Variants in CGAS observed in about 807,000 individuals in gnomAD.
CGAS encodes 2'3'-cGAMP synthase.
In CGAS, 31 loss-of-function variants were observed where a neutral mutation model predicts 34.0. The ratio of observed to expected loss-of-function variants is 0.91; its 90% CI spans 0.69 to 1.23. The LOEUF is 1.23. CGAS is among the 50% of genes most tolerant of loss of function. CGAS has a pLI of 0.00. For missense variants in CGAS, 597 were observed against 657.6 expected, an observed-to-expected ratio of 0.91 and a Z score of 1.01; for synonymous variants, 266 against 260.0, an observed-to-expected ratio of 1.02 and a Z score of -0.22.
At chr6:73,451,435 A>T in intron 1 of CGAS, 90 bp downstream of exon 1, 1 of 1,365,206 alleles carries the variant, frequency 7.3e-7, no homozygotes, top group Non-Finnish European at 9.9e-7. Context: ...TTCCGAAGGG[A>T]AGTGAGGGGC....
Position 73,451,592 on chromosome 6 carries a change from A to C in CGAS, c.590T>G (p.Leu197Arg). Residue 197 changes from leucine (L) to arginine (R), a missense_variant, in exon 1 of 5, where the codon CTG (leucine) becomes CGG (arginine). Physicochemically the swap from Leu to Arg is moderately radical, Grantham distance 102. Transcript: ENST00000370315. ...GCCTCTGAACGCGGAGTCGCACTTCAGTCTGAGCAGCAGGTGGTCCACAAC... is the reference window on the plus strand; with the variant it reads ...GCCTCTGAACGCGGAGTCGCACTTCCGTCTGAGCAGCAGGTGGTCCACAAC... The part of the protein sequence containing the change: ...KGVVDHLLLR[L>R]KCDSAFRGVG... The C allele has an allele frequency of 6.2e-7, 1 of 1,613,714 alleles. No homozygotes were observed.
At chr6:73,444,164 A>G (rs1459342203) in intron 2 of CGAS, among the ~76,000 whole-genome samples, 1 of 151,122 alleles carries the variant, frequency 6.6e-6, no homozygotes, top group Non-Finnish European at 1.5e-5. Flanking sequence ...TAATTTTTGT[A>G]TTTTTAGTAT....
intron 3 of CGAS, among the ~76,000 whole-genome samples, chr6:73,435,285 C>A (rs1447220848): frequency 6.6e-6 from 1 of 152,170 alleles, no homozygotes; most frequent in Non-Finnish European, 1.5e-5. Context: ...ATAAACTACA[C>A]TGAGATATCA....
chr6:73,450,039 AAG>A (rs35518684), intron 1 of CGAS, among the ~76,000 whole-genome samples: 20 of 148,202 alleles, frequency 1.3e-4, no homozygotes, highest in South Asian at 2.2e-4. Context: ...GAACAAAATA[AAG>A]AGAGAGAGAG....
At chr6:73,441,967 G>A (rs1017523160) in intron 2 of CGAS, among the ~76,000 whole-genome samples, 2 of 152,058 alleles carry the variant, frequency 1.3e-5, no homozygotes, top group Admixed American at 1.3e-4. Flanking sequence ...CCACCTCCCA[G>A]CTTCAAGTGA....
chr6:73,451,798 G>A lies in CGAS; in HGVS notation c.384C>T (p.Cys128=). Residue 128 remains cysteine, a synonymous_variant, in exon 1 of 5, where the codon TGC becomes TGT. Transcript: ENST00000370315. The part of the protein sequence containing the change: ...AGSCRQRGAR[C]STKPRPPPGP... ...CGGGCGGAGGTCTTGGCTTCGTGGA[G>A]CAGCGCGCGCCCCTCTGGCGGCAAG... is the stretch of plus-strand genomic sequence containing the variant. 6.4e-7 allele frequency: 1 copy of A among 1,570,722 alleles called. No homozygotes were observed. The highest frequency in any genetic ancestry group is 8.6e-7 in the Non-Finnish European group (1 of 1,159,502).
At chr6:73,449,979 A>G (rs960679418) in intron 1 of CGAS, among the ~76,000 whole-genome samples, 21 of 151,972 alleles carry the variant, frequency 1.4e-4, no homozygotes, top group Admixed American at 9.2e-4. Flanking sequence ...CTGGGCAACA[A>G]GAGTGAAACT....
rs1562293777 is a variant in CGAS, at chr6:73,442,840, GC to G, written c.878-2396del. ...TCTTGAACTCCTGACCTTGTGATCC[GC>G]CCACCTTGGCCTCCCAAAGTGCTGG... On this transcript the variant is annotated intron_variant, in intron 2 of 4. Transcript: ENST00000370315. Among the ~76,000 whole-genome samples the G allele has an allele frequency of 2.6e-5, 4 of 151,604 alleles. No homozygotes were observed. In the South Asian group the frequency reaches 8.3e-4, roughly 32 times the overall value.
intron 4 of CGAS, among the ~76,000 whole-genome samples, chr6:73,426,128 C>G (rs1023449715): frequency 6.6e-6 from 1 of 150,882 alleles, no homozygotes; most frequent in African/African-American, 2.4e-5. Context: ...ACTAAAAATA[C>G]AAAAATTAGC....
intron 3 of CGAS, 30 bp downstream of exon 3, chr6:73,440,179 T>A (rs758768162): frequency 3.2e-6 from 5 of 1,576,814 alleles, no homozygotes; most frequent in Middle Eastern, 1.7e-4. Context: ...CTCTTTTACT[T>A]CTTTAAGTTA....
chr6:73,446,186 C>T lies in CGAS; in HGVS notation c.658-439G>A, dbSNP rs140829785. On this transcript the variant is annotated intron_variant, in intron 1 of 4. Transcript: ENST00000370315. ...CTCTACTAAAAATACAAAAATTAGC[C>T]GGGCATAGTGGCATGCGCCTGTAAT... Among the ~76,000 whole-genome samples the T allele has an allele frequency of 5.3e-3, 800 of 151,972 alleles. 5 individuals carry two copies. Among genetic ancestry groups the T allele is most frequent in the African/African-American group, 0.018 (728 of 41,476 alleles).
At chr6:73,429,478 A>G (rs1770146830) in intron 3 of CGAS, among the ~76,000 whole-genome samples, 1 of 152,184 alleles carries the variant, frequency 6.6e-6, no homozygotes, top group South Asian at 2.1e-4. Flanking sequence ...ATATTAATAC[A>G]AAATGAATTG....
chr6:73,444,851 T>C (rs1015566055), intron 2 of CGAS, among the ~76,000 whole-genome samples: 15 of 152,094 alleles, frequency 9.9e-5, no homozygotes, highest in Non-Finnish European at 1.8e-4. Flanking sequence ...CACTTGCATC[T>C]GGATTAAGCG....
chr6:73,435,339 C>A (rs188298910), intron 3 of CGAS, among the ~76,000 whole-genome samples: 2 of 152,262 alleles, frequency 1.3e-5, no homozygotes, highest in African/African-American at 4.8e-5. Flanking sequence ...GCAAGAATTT[C>A]AATTGGCAAA....
intron 2 of CGAS, among the ~76,000 whole-genome samples, chr6:73,443,133 A>G (rs902787550): frequency 2.0e-5 from 3 of 152,042 alleles, no homozygotes; most frequent in African/African-American, 4.8e-5. Context: ...ACCAAAGAAC[A>G]AATCCATTGG....
At chr6:73,426,349 G>GAAATGAAATGATAAAATAAAATAAA (rs1554237174) in intron 4 of CGAS, among the ~76,000 whole-genome samples, 1 of 148,798 alleles carries the variant, frequency 6.7e-6, no homozygotes, top group African/African-American at 2.5e-5. Flanking sequence ...GAAATGAAAT[G>GAAATGAAATGATAAAATAAAATAAA]ATAAAATAAA....
At chr6:73,433,498 AT>A (rs1046294088) in intron 3 of CGAS, among the ~76,000 whole-genome samples, 7 of 144,000 alleles carry the variant, frequency 4.9e-5, no homozygotes, top group Non-Finnish European at 7.6e-5. Flanking sequence ...TTTTTTTTTA[AT>A]TTTTTTTTGA....
rs544917210 is a variant in CGAS, at chr6:73,451,507, G to C, written c.657+18C>G. On this transcript the variant is annotated intron_variant, in intron 1 of 4. Coordinates refer to ENST00000370315, the MANE Select transcript of CGAS (RefSeq NM_138441.3). ...GGCCGAGCAGCGGGGCTCGGCGGGA[G>C]GGCGCCAAGCAGCTCACCTTCACGT... 3.8e-5 allele frequency: 58 copies of C among 1,523,056 alleles called. No homozygotes were observed. Among genetic ancestry groups the C allele is most frequent in the Non-Finnish European group, 5.1e-5 (57 of 1,128,200 alleles). 94.3% of individuals were successfully genotyped at this position (1,523,056 alleles called of 1,614,324 possible). A position where few individuals can be genotyped will look rare whatever the true frequency, so the allele number is the denominator to read the frequency against.
At chr6:73,436,591 T>G (rs1220582477) in intron 3 of CGAS, among the ~76,000 whole-genome samples, 1 of 151,972 alleles carries the variant, frequency 6.6e-6, no homozygotes, top group Non-Finnish European at 1.5e-5. Flanking sequence ...GGCACCATCT[T>G]GGCTCACTGC....
Sources: gnomAD v4.1 joint callset for allele counts (sites outside exome capture counted in the v4.1 genomes callset) on GRCh38, gnomAD v4.1.1 for gene constraint, MANE v1.5 for transcripts, NCBI Gene and HGNC (gene_info 2026-07-23, HGNC 2026-07-21) for gene names.